The following POM121 variants were observed in gnomAD, a reference collection of about 807,000 sequenced individuals.
POM121 encodes POM121 transmembrane nucleoporin.
POM121 carries 32 observed loss-of-function variants against 81.3 expected under a neutral mutation model. That is an observed-to-expected ratio of 0.39 (90% CI 0.30 to 0.53). The LOEUF (loss-of-function observed/expected upper bound fraction) is 0.53. POM121 is among the 20% of genes least tolerant of loss of function. POM121 has a pLI of 0.66. For missense variants in POM121, 1,138 were observed against 1,614.6 expected (o/e 0.70, Z 5.06); for synonymous variants, 514 against 694.2 (o/e 0.74, Z 4.08).
chr7:72,923,631 G>C (rs1421053875), upstream of POM121, among the ~76,000 whole-genome samples: 2 of 103,180 alleles, frequency 1.9e-5, no homozygotes, highest in Non-Finnish European at 3.5e-5. Context: ...ACGGAGTCTC[G>C]CTCTGTCGCC....
At chr7:72,931,780 A>C (rs768480768) in intron 5 of POM121, among the ~76,000 whole-genome samples, 1 of 152,194 alleles carries the variant, frequency 6.6e-6, no homozygotes, top group Non-Finnish European at 1.5e-5. Flanking sequence ...CATGTTGGCC[A>C]GGCTGGCATC....
exon 1 of POM121, chr7:72,879,584 G>A (rs1554488928): frequency 1.0e-5 from 3 of 294,434 alleles, no homozygotes; most frequent in Non-Finnish European, 2.0e-5. Context: ...GGGCCAGAGG[G>A]GCCAGGCGGG....
chr7:72,908,655 G>C (rs868943086), intron 3 of POM121, among the ~76,000 whole-genome samples: 1 of 152,106 alleles, frequency 6.6e-6, no homozygotes, highest in African/African-American at 2.4e-5. Flanking sequence ...AAAGACAGAC[G>C]TTCCCAGAGC....
At chr7:72,939,762 C>G in intron 7 of POM121, 85 bp from the exon 8 acceptor site, 1 of 1,610,540 alleles carries the variant, frequency 6.2e-7, no homozygotes, top group Non-Finnish European at 8.5e-7. Context: ...ATTGAAAACT[C>G]AATGTGAAAT....
chr7:72,892,696 G>A (rs1301784169), intron 3 of POM121, among the ~76,000 whole-genome samples: 3 of 145,792 alleles, frequency 2.1e-5, no homozygotes, highest in African/African-American at 5.1e-5. Flanking sequence ...ATAGTGTCTC[G>A]CTCTTGTCGC....
upstream of POM121, among the ~76,000 whole-genome samples, chr7:72,922,390 T>C (rs1586138029): frequency 6.6e-6 from 1 of 152,184 alleles, no homozygotes; most frequent in East Asian, 1.9e-4. Flanking sequence ...TATAGAAGTA[T>C]TAACTTTTTT....
chr7:72,893,441 G>A (rs554652981), intron 3 of POM121, among the ~76,000 whole-genome samples: 46 of 152,086 alleles, frequency 3.0e-4, no homozygotes, highest in South Asian at 1.0e-3. Flanking sequence ...AAAATTAGCC[G>A]GGCGTGGTGG....
intron 3 of POM121, among the ~76,000 whole-genome samples, chr7:72,895,350 C>T (rs1586081180): frequency 1.3e-5 from 2 of 152,312 alleles, no homozygotes; most frequent in South Asian, 2.1e-4. Flanking sequence ...ACCTCCTGTG[C>T]GTTCACTAAA....
chr7:72,917,079 T>G (rs553264016), intron 4 of POM121, among the ~76,000 whole-genome samples: 2 of 152,220 alleles, frequency 1.3e-5, no homozygotes, highest in Non-Finnish European at 2.9e-5. Flanking sequence ...TCTCATTGTT[T>G]GCTATGTGTC....
intron 11 of POM121, among the ~76,000 whole-genome samples, chr7:72,943,860 A>C (rs1468033699): frequency 6.6e-6 from 1 of 152,242 alleles, no homozygotes; most frequent in African/African-American, 2.4e-5. Context: ...CAACTTGGCG[A>C]AACCCTGTCT....
At chr7:72,892,898 C>T (rs1791451210) in intron 3 of POM121, among the ~76,000 whole-genome samples, 1 of 151,956 alleles carries the variant, frequency 6.6e-6, no homozygotes, top group Admixed American at 6.6e-5. Context: ...AACTCCTGAC[C>T]TTGTGATCCA....
chr7:72,912,722 T>TGAGCCGAGATCGCGCC (rs1174925711), intron 3 of POM121, among the ~76,000 whole-genome samples: 1 of 152,150 alleles, frequency 6.6e-6, no homozygotes, highest in African/African-American at 2.4e-5. Context: ...GAGGTTGCAG[T>TGAGCCGAGATCGCGCC]GAGCCGAGAT....
intron 4 of POM121, among the ~76,000 whole-genome samples, chr7:72,929,485 T>G (rs1554498153): frequency 6.6e-6 from 1 of 152,168 alleles, no homozygotes; most frequent in African/African-American, 2.4e-5. Context: ...TCCTCTTAAC[T>G]CTGATTTTTT....
At chr7:72,900,444 T>C (rs1792496421) in intron 3 of POM121, among the ~76,000 whole-genome samples, 1 of 151,938 alleles carries the variant, frequency 6.6e-6, no homozygotes, top group Admixed American at 6.6e-5. Flanking sequence ...CAACATTTGG[T>C]TTAATTGATT....
chr7:72,949,092 G>C (rs782716753), downstream of POM121: 13 of 1,610,766 alleles, frequency 8.1e-6, no homozygotes, highest in South Asian at 1.1e-4. Flanking sequence ...CCAGCTGTCT[G>C]CTCGGCATAC....
rs369833596 is a variant in POM121, at chr7:72,943,308, C to T, written c.3315C>T (p.Pro1105=). The T allele has an allele frequency of 2.1e-5, 33 of 1,607,856 alleles. No individual in the cohort carries two copies. Among genetic ancestry groups the T allele is most frequent in the Admixed American group, 1.0e-4 (6 of 59,390 alleles). The part of the protein sequence containing the change: ...SPFTFGGSAA[P]AGSGSFGINV... The stretch of plus-strand genomic sequence containing the variant: ...TCACGTTTGGGGGTTCGGCAGCCCC[C>T]GCTGGCAGTGGGAGCTTTGGGATCA... The change falls in exon 11 of 13, where the codon CCC becomes CCT. Residue 1105 remains proline, a synonymous_variant. Transcript: ENST00000434423.
chr7:72,893,283 G>T (rs1318861934), intron 3 of POM121, among the ~76,000 whole-genome samples: 1 of 151,412 alleles, frequency 6.6e-6, no homozygotes, highest in Non-Finnish European at 1.5e-5. Flanking sequence ...TTAAATTGTG[G>T]TTAAAAACCA....
chr7:72,910,467 C>T (rs1266882817), intron 3 of POM121, among the ~76,000 whole-genome samples: 1 of 152,044 alleles, frequency 6.6e-6, no homozygotes, highest in Non-Finnish European at 1.5e-5. Flanking sequence ...GCTTCTAGCT[C>T]CTCACTGTCT....
chr7:72,898,583 G>A (rs1405786319), intron 3 of POM121, among the ~76,000 whole-genome samples: 2 of 152,206 alleles, frequency 1.3e-5, no homozygotes, highest in Admixed American at 6.5e-5. Context: ...GATCACCTGC[G>A]GTCGGGAGTG....
Sources: gnomAD v4.1 joint callset for allele counts (sites outside exome capture counted in the v4.1 genomes callset) on GRCh38, gnomAD v4.1.1 for gene constraint, MANE v1.5 for transcripts, NCBI Gene and HGNC (gene_info 2026-07-23, HGNC 2026-07-21) for gene names.